Variants in C2orf69 observed in about 807,000 individuals in gnomAD.
C2orf69 encodes mitochondrial protein C2orf69.
C2orf69 carries 19 observed loss-of-function variants against 29.5 expected under a neutral mutation model. The ratio of observed to expected loss-of-function variants is 0.65; its 90% confidence interval spans 0.45 to 0.95. The LOEUF (loss-of-function observed/expected upper bound fraction) is 0.95. Among genes scored for constraint, C2orf69 ranks in the 40% least tolerant of loss-of-function variants. C2orf69 has a pLI of 0.00. For missense variants in C2orf69, 416 were observed against 482.1 expected, an observed-to-expected ratio of 0.86 and a Z score of 1.28; for synonymous variants, 194 against 180.0, an observed-to-expected ratio of 1.08 and a Z score of -0.62.
intron 1 of C2orf69, among the ~76,000 whole-genome samples, chr2:199,913,329 ATATTC>A (rs1279989085): frequency 3.9e-5 from 4 of 102,586 alleles, no homozygotes; most frequent in East Asian, 2.4e-4. Context: ...TATATAATAT[ATATTC>A]TATTATAATA....
chr2:199,916,932 G>C (rs2077294789), intron 1 of C2orf69, among the ~76,000 whole-genome samples: 2 of 152,224 alleles, frequency 1.3e-5, no homozygotes, highest in Non-Finnish European at 2.9e-5. Flanking sequence ...TGCCCCAGTA[G>C]GGAAGTGTAG....
chr2:199,912,008 A>C (rs920557142), intron 1 of C2orf69, among the ~76,000 whole-genome samples: 2 of 152,188 alleles, frequency 1.3e-5, no homozygotes, highest in Admixed American at 6.5e-5. Context: ...TACGATCTCG[A>C]AAGAGCCAGC....
chr2:199,926,134 C>T lies in C2orf69; in HGVS notation c.*248C>T, dbSNP rs1348682896. 2.4e-6 allele frequency: 1 copy of T among 422,266 alleles called. No individual in the cohort carries two copies. The allele number at this position is 422,266 out of a possible 1,614,324, so 26.2% of individuals were successfully genotyped here. On this transcript the variant is annotated 3_prime_UTR_variant, in exon 2 of 2. Coordinates refer to ENST00000319974, the MANE Select transcript of C2orf69 (RefSeq NM_153689.6). ...TCTAACAAGGTGGTTTGTAATAATG[C>T]TGAGGAGATATAAGACCCTTAAAAT...
rs1226766512 is a variant in C2orf69 at position 199,911,380 on chromosome 2, C to T, written c.-59C>T. ...CCGGCTGAGCCGCCTGCTGAAGTCC[C>T]TCCCTCAGGAACCCCTCCGCCACCC... On this transcript the variant is annotated 5_prime_UTR_variant, in exon 1 of 2. Transcript: ENST00000319974. 4 of 1,403,996 alleles carry T rather than the reference C, an allele frequency of 2.8e-6. No individual in the cohort carries two copies. The highest frequency in any genetic ancestry group is 2.9e-5 in the East Asian group (1 of 34,952). 87.0% of individuals were successfully genotyped at this position (1,403,996 alleles called of 1,614,324 possible).
chr2:199,916,097 T>A (rs2077291690), intron 1 of C2orf69, among the ~76,000 whole-genome samples: 1 of 152,176 alleles, frequency 6.6e-6, no homozygotes, highest in Non-Finnish European at 1.5e-5. Context: ...ATTGAATCAG[T>A]TCCACAGGGC....
Position 199,925,554 on chromosome 2 carries a change from G to T in C2orf69, c.826G>T (p.Glu276Ter). 1 of 1,613,796 alleles carries T rather than the reference G, an allele frequency of 6.2e-7. No homozygotes were observed. Among genetic ancestry groups the T allele is most frequent in the South Asian group, 1.1e-5 (1 of 91,066 alleles). The change falls in exon 2 of 2, where the codon GAA (glutamate) becomes TAA (stop). Residue 276 changes from glutamate to a stop codon, truncating the protein, a stop_gained. Coordinates refer to ENST00000319974, the MANE Select transcript of C2orf69 (RefSeq NM_153689.6). LOFTEE classifies it high-confidence loss of function. The surrounding 1 kb of genome is among the most constrained non-coding windows in gnomAD (Gnocchi z 4.9). ...TGTTGTTTTGAATCAGTTGCTTTTT[G>T]AATTGAAAGAAGCCAAGAAAGACAA... ...GCVVLNQLLF[E>*]LKEAKKDKNI...
rs760173036 is a variant in C2orf69 at position 199,925,789 on chromosome 2, T to C, written c.1061T>C (p.Ile354Thr). The C allele has an allele frequency of 1.2e-6, 2 of 1,613,792 alleles. No individual in the cohort carries two copies. The highest frequency in any genetic ancestry group is 3.3e-5 in the Admixed American group (2 of 59,972). The stretch of plus-strand genomic sequence containing the variant: ...AAGGAGCACAAGAAATTTGTTCAGA[T>C]ACTTGGGGATCTTGGTATGCAGGTG... The part of the protein sequence containing the change: ...IGKEHKKFVQ[I>T]LGDLGMQVTS... Residue 354 changes from isoleucine to threonine, a missense_variant, in exon 2 of 2, where the codon ATA becomes ACA. Coordinates refer to ENST00000319974, the MANE Select transcript of C2orf69 (RefSeq NM_153689.6). The surrounding 1 kb of genome is among the most constrained non-coding windows in gnomAD (Gnocchi z 4.9).
rs2077341169 is a variant in C2orf69, at chr2:199,927,688, A to G, written c.*1802A>G. On this transcript the variant is annotated 3_prime_UTR_variant, in exon 2 of 2. Transcript: ENST00000319974. ...AATCAGCCTGATTTTAACATTTTAC[A>G]TATTACATTGCCTTTAAGCACTATG... The G allele has an allele frequency of 6.6e-6, 1 of 151,906 alleles. No homozygotes were observed. Among genetic ancestry groups the G allele is most frequent in the Non-Finnish European group, 1.5e-5 (1 of 67,946 alleles). The allele number at this position is 151,906 out of a possible 1,614,324, so 9.4% of individuals were successfully genotyped here.
intron 1 of C2orf69, among the ~76,000 whole-genome samples, chr2:199,918,699 G>T (rs1009662069): frequency 6.6e-6 from 1 of 151,846 alleles, no homozygotes; most frequent in African/African-American, 2.4e-5. Flanking sequence ...TGTGAATTTT[G>T]ACAAGTGTTG....
chr2:199,923,956 A>G (rs984038439), intron 1 of C2orf69, among the ~76,000 whole-genome samples: 2 of 152,224 alleles, frequency 1.3e-5, no homozygotes, highest in African/African-American at 2.4e-5. Context: ...TAAATTTTAT[A>G]GAACAAATGA....
chr2:199,913,221 A>T lies in C2orf69; in HGVS notation c.333+1450A>T, dbSNP rs866754540. Among the ~76,000 whole-genome samples, 248 of 72,836 alleles carry T rather than the reference A, an allele frequency of 3.4e-3. 5 individuals are homozygous for T. The highest frequency in any genetic ancestry group is 0.013 in the African/African-American group (232 of 18,460). 47.8% of individuals were successfully genotyped at this position (72,836 alleles called of 152,430 possible). A position where few individuals can be genotyped will look rare whatever the true frequency, so the allele number is the denominator to read the frequency against. On this transcript the variant is annotated intron_variant, in intron 1 of 1. Transcript: ENST00000319974. ...ATATAATATATAATATATTATATAT[A>T]ATATATATTATAATATATATAATAT...
chr2:199,911,301 T>A lies in C2orf69; in HGVS notation c.-138T>A. 2.8e-6 allele frequency: 3 copies of A among 1,058,288 alleles called. No individual in the cohort carries two copies. Among genetic ancestry groups the A allele is most frequent in the Non-Finnish European group, 2.5e-6 (2 of 791,872 alleles). The allele number at this position is 1,058,288 out of a possible 1,614,324, so 65.6% of individuals were successfully genotyped here. On this transcript the variant is annotated 5_prime_UTR_variant, in exon 1 of 2. Transcript: ENST00000319974. ...TGCGCGCGGACGTCGGCCTCTGACG[T>A]CGTCGCCTCAGCGCCGGCTCCCGGC...
rs762586452 is a variant in C2orf69, at chr2:199,913,968, AG to A, written c.333+2199del. 5.3e-5 allele frequency among the ~76,000 whole-genome samples: 8 copies of A among 152,332 alleles called. No individual in the cohort carries two copies. The East Asian group carries it at 1.5e-3, about 29-fold the overall frequency. On this transcript the variant is annotated intron_variant, in intron 1 of 1. Transcript: ENST00000319974. ...TTTGAACCCTGATTTAGAACTTTTT[AG>A]GTATAAAGTCCCTGGACAATTGTTA...
At position 199,925,505 on chromosome 2, in the gene C2orf69, T is replaced by A. The variant is rs779692650; in HGVS notation, c.777T>A (p.Thr259=). 9.9e-6 allele frequency: 16 copies of A among 1,613,826 alleles called. No homozygotes were observed. The Admixed American group carries it at 1.0e-4, about 10-fold the overall frequency. The change falls in exon 2 of 2, where the codon ACT becomes ACA. Residue 259 remains threonine (T), a synonymous_variant. Transcript: ENST00000319974. The surrounding 1 kb of genome is among the most constrained non-coding windows in gnomAD (Gnocchi z 4.9). ...YPPSLNDASF[T]LIGFSKGCVV... ...CATCACTAAATGACGCATCTTTTAC[T>A]TTGATTGGATTCAGTAAAGGTTGTG...
intron 1 of C2orf69, 72 bp downstream of exon 1, chr2:199,911,843 C>G (rs2077263939): frequency 6.5e-7 from 1 of 1,528,586 alleles, no homozygotes; most frequent in Non-Finnish European, 8.8e-7. Flanking sequence ...ATTCTTCCCT[C>G]GTGGCTGCTG....
At position 199,917,798 on chromosome 2, in the gene C2orf69, C is replaced by T. The variant is rs542611091; in HGVS notation, c.333+6027C>T. 5.9e-5 allele frequency among the ~76,000 whole-genome samples: 9 copies of T among 152,310 alleles called. No homozygotes were observed. In the East Asian group the frequency reaches 1.7e-3, roughly 29 times the overall value. On this transcript the variant is annotated intron_variant, in intron 1 of 1. Transcript: ENST00000319974. ...TCCACATTTTTGGGTATCCTTATAG[C>T]AGCACCCCACTCTCTGCAGTACCAA...
In C2orf69 at chr2:199,927,210, T is replaced by C. The variant is rs1257246840; in HGVS notation, c.*1324T>C. On this transcript the variant is annotated 3_prime_UTR_variant, in exon 2 of 2. Transcript: ENST00000319974. ...ATGTCAACCAACATTGACATTGTAATTGGGTGATTACAATAAAAGGTGAGC... is the reference window on the plus strand; with the variant it reads ...ATGTCAACCAACATTGACATTGTAACTGGGTGATTACAATAAAAGGTGAGC... 6.6e-6 allele frequency: 1 copy of C among 151,484 alleles called. No homozygotes were observed. Among genetic ancestry groups the C allele is most frequent in the African/African-American group, 2.4e-5 (1 of 41,218 alleles). The allele number at this position is 151,484 out of a possible 1,614,324, so 9.4% of individuals were successfully genotyped here. A position where few individuals can be genotyped will look rare whatever the true frequency, so the allele number is the denominator to read the frequency against.
Position 199,925,736 on chromosome 2 carries a change from A to G in C2orf69, c.1008A>G (p.Val336=). ...IVHTHVTPYQ[V]RDPMRSWIGK... is the part of the protein sequence containing the mutation. ...ACACTCATGTAACACCTTACCAAGT[A>G]CGTGATCCAATGAGATCTTGGATTG... The change falls in exon 2 of 2, where the codon GTA becomes GTG. Residue 336 remains valine, a synonymous_variant. Coordinates refer to ENST00000319974, the MANE Select transcript of C2orf69 (RefSeq NM_153689.6). This position sits in a 1 kb window ranked among gnomAD's most constrained non-coding sequence, Gnocchi z 4.9. 5.6e-6 allele frequency: 9 copies of G among 1,613,974 alleles called. No homozygotes were observed. The highest frequency in any genetic ancestry group is 7.6e-6 in the Non-Finnish European group (9 of 1,179,860).
intron 1 of C2orf69, among the ~76,000 whole-genome samples, chr2:199,919,038 A>G (rs558964405): frequency 3.9e-5 from 6 of 152,070 alleles, no homozygotes; most frequent in Non-Finnish European, 7.4e-5. Context: ...TGCAGCCTCA[A>G]CCTCCCAGGC....
Sources: allele counts gnomAD v4.1 joint callset (sites outside exome capture counted in the v4.1 genomes callset), GRCh38; gene constraint gnomAD v4.1.1; non-coding constraint Gnocchi (gnomAD v3.1); transcripts MANE v1.5; gene names NCBI Gene and HGNC (gene_info 2026-07-23, HGNC 2026-07-21).